PYGO1: variants seen among roughly 807,000 people sequenced by gnomAD.
PYGO1 encodes pygopus family PHD finger 1.
Under a neutral mutation model 29.5 loss-of-function variants are expected in PYGO1, and 6 were observed. The ratio of observed to expected loss-of-function variants is 0.20; its 90% CI spans 0.11 to 0.40. PYGO1 has a LOEUF of 0.40. Ranked by LOEUF, PYGO1 falls within the 10% of genes least tolerant of loss-of-function variation. PYGO1 has a pLI of 1.00. For missense variants in PYGO1, 515 were observed against 514.9 expected, an observed-to-expected ratio of 1.00 and a Z score of 0.00; for synonymous variants, 186 against 180.5, an observed-to-expected ratio of 1.03 and a Z score of -0.24.
chr15:55,540,298 A>C lies in PYGO1; in HGVS notation c.*5725T>G, dbSNP rs910317918. 4.6e-5 allele frequency: 7 copies of C among 152,082 alleles called. No homozygotes were observed. Among genetic ancestry groups the C allele is most frequent in the African/African-American group, 1.7e-4 (7 of 41,440 alleles). 9.4% of individuals were successfully genotyped at this position (152,082 alleles called of 1,614,324 possible). ...AATCATGTCTAAATAAATGAAGATA[A>C]ATATTACAGTACTACTTATTTTGGT... On this transcript the variant is annotated 3_prime_UTR_variant, in exon 3 of 3. Coordinates refer to ENST00000563719, the MANE Select transcript of PYGO1 (RefSeq NM_001367806.1).
At chr15:55,571,873 G>T (rs1469873983) in intron 1 of PYGO1, among the ~76,000 whole-genome samples, 1 of 151,816 alleles carries the variant, frequency 6.6e-6, no homozygotes, top group Non-Finnish European at 1.5e-5. Flanking sequence ...ACTCCATTTG[G>T]AATTTATTTT....
chr15:55,555,566 T>G (rs1350756854), intron 1 of PYGO1, among the ~76,000 whole-genome samples: 1 of 149,526 alleles, frequency 6.7e-6, no homozygotes, highest in Non-Finnish European at 1.5e-5. Flanking sequence ...GAGATATACC[T>G]AATGCTAAAT....
At chr15:55,559,746 T>C (rs1299602331) in intron 1 of PYGO1, among the ~76,000 whole-genome samples, 4 of 152,246 alleles carry the variant, frequency 2.6e-5, no homozygotes, top group Admixed American at 6.5e-5. Flanking sequence ...AAGAGAAAAC[T>C]TCAGGCTAAT....
chr15:55,579,819 A>G (rs2059018470), intron 1 of PYGO1, among the ~76,000 whole-genome samples: 1 of 152,224 alleles, frequency 6.6e-6, no homozygotes, highest in Non-Finnish European at 1.5e-5. Context: ...TATACTTACT[A>G]TACAGCAAAA....
Position 55,551,298 on chromosome 15 carries a change from T to C in PYGO1, c.50-2303A>G, listed in dbSNP as rs939856617. ...AAGGAACCTAATTTCTGGTTGATTT[T>C]CTTTAACAGTTGTATTAATTTTCTA... On this transcript the variant is annotated intron_variant, in intron 1 of 2. Coordinates refer to ENST00000563719, the MANE Select transcript of PYGO1 (RefSeq NM_001367806.1). Among the ~76,000 whole-genome samples, 5 of 152,222 alleles carry C rather than the reference T, an allele frequency of 3.3e-5. 1 individual carries two copies. Among genetic ancestry groups the C allele is most frequent in the Non-Finnish European group, 4.4e-5 (3 of 68,032 alleles).
intron 1 of PYGO1, among the ~76,000 whole-genome samples, chr15:55,572,614 C>A (rs145744055): frequency 9.9e-5 from 15 of 152,138 alleles, no homozygotes; most frequent in African/African-American, 3.6e-4. Context: ...AGGCAGCCTA[C>A]AAAAATGGGA....
At chr15:55,556,264 C>A (rs770945299) in intron 1 of PYGO1, among the ~76,000 whole-genome samples, 12 of 152,174 alleles carry the variant, frequency 7.9e-5, no homozygotes, top group Non-Finnish European at 1.8e-4. Flanking sequence ...GTAAAACACT[C>A]CTTAGCAAAT....
At chr15:55,563,878 A>G (rs1482354197) in intron 1 of PYGO1, among the ~76,000 whole-genome samples, 1 of 152,224 alleles carries the variant, frequency 6.6e-6, no homozygotes, top group Non-Finnish European at 1.5e-5. Context: ...TAACACTGGG[A>G]TGGCTGTAAT....
At chr15:55,557,971 C>T (rs1487560172) in intron 1 of PYGO1, among the ~76,000 whole-genome samples, 1 of 151,974 alleles carries the variant, frequency 6.6e-6, no homozygotes, top group African/African-American at 2.4e-5. Context: ...CTATTCAACA[C>T]AGCATAGTGT....
chr15:55,582,084 A>G (rs924041105), intron 1 of PYGO1, among the ~76,000 whole-genome samples: 11 of 151,838 alleles, frequency 7.2e-5, no homozygotes, highest in Middle Eastern at 3.4e-3. Flanking sequence ...GCACGTGCCT[A>G]TAATCCCAGC....
At position 55,588,331 on chromosome 15, in the gene PYGO1, C is replaced by T. The variant is rs1162786047; in HGVS notation, c.-448G>A. Among the ~76,000 whole-genome samples, 1 of 148,662 alleles carries T rather than the reference C, an allele frequency of 6.7e-6. No individual in the cohort carries two copies. Among genetic ancestry groups the T allele is most frequent in the Non-Finnish European group, 1.5e-5 (1 of 66,654 alleles). Reference sequence around the variant, plus strand: ...GAGGAGGTCTGCTCTCTCGCCGCTCCCGAGTCGCAGACACAAAAGCCCCCA... The same window carrying T: ...GAGGAGGTCTGCTCTCTCGCCGCTCTCGAGTCGCAGACACAAAAGCCCCCA... On this transcript the variant is annotated 5_prime_UTR_variant, in exon 1 of 3. Transcript: ENST00000563719.
chr15:55,560,232 A>G (rs915717793), intron 1 of PYGO1, among the ~76,000 whole-genome samples: 3 of 152,154 alleles, frequency 2.0e-5, no homozygotes, highest in African/African-American at 7.2e-5. Flanking sequence ...TAGGATGATA[A>G]TAAGTCAAAT....
intron 1 of PYGO1, among the ~76,000 whole-genome samples, chr15:55,563,945 T>C (rs75560914): frequency 0.03 from 4,513 of 152,272 alleles, 231 homozygotes; most frequent in African/African-American, 0.1. Context: ...GGAACCCTCA[T>C]ACTTTGCAGG....
intron 1 of PYGO1, among the ~76,000 whole-genome samples, chr15:55,574,765 TATATGGCCTTATCCAC>T (rs571048020): frequency 2.1e-3 from 325 of 152,320 alleles, no homozygotes; most frequent in African/African-American, 7.5e-3. Flanking sequence ...CTACCTACAA[TATATGGCCTTATCCAC>T]AGGCAATAAA....
At chr15:55,552,784 T>A (rs1401478950) in intron 1 of PYGO1, among the ~76,000 whole-genome samples, 1 of 152,124 alleles carries the variant, frequency 6.6e-6, no homozygotes, top group African/African-American at 2.4e-5. Flanking sequence ...GAGTTTTACA[T>A]ACTCCGGCCC....
intron 1 of PYGO1, among the ~76,000 whole-genome samples, chr15:55,577,419 T>G (rs1477233182): frequency 6.6e-6 from 1 of 152,214 alleles, no homozygotes; most frequent in African/African-American, 2.4e-5. Flanking sequence ...GGCTATGTCA[T>G]GGGTACATGC....
At chr15:55,557,148 T>C (rs1333090895) in intron 1 of PYGO1, among the ~76,000 whole-genome samples, 1 of 151,910 alleles carries the variant, frequency 6.6e-6, no homozygotes, top group Non-Finnish European at 1.5e-5. Context: ...CAATAAAAAA[T>C]GATAAAGGGG....
intron 1 of PYGO1, among the ~76,000 whole-genome samples, chr15:55,554,769 T>C (rs1211199613): frequency 6.6e-6 from 1 of 151,732 alleles, no homozygotes; most frequent in African/African-American, 2.4e-5. Flanking sequence ...AAGGAAAGAA[T>C]CTCAGAGCTT....
intron 1 of PYGO1, among the ~76,000 whole-genome samples, chr15:55,572,248 C>A (rs374440076): frequency 6.6e-6 from 1 of 152,226 alleles, no homozygotes; most frequent in African/African-American, 2.4e-5. Flanking sequence ...AATAAACCAA[C>A]AAATACATGA....
Sources: allele counts gnomAD v4.1 joint callset (sites outside exome capture counted in the v4.1 genomes callset), GRCh38; gene constraint gnomAD v4.1.1; transcripts MANE v1.5; gene names NCBI Gene and HGNC (gene_info 2026-07-23, HGNC 2026-07-21).